Variants in SLCO1B3 observed in about 807,000 individuals in gnomAD.
SLCO1B3 encodes liver-specific organic anion transporter 2.
SLCO1B3 carries 72 observed loss-of-function variants against 71.8 expected under a neutral mutation model. The ratio of observed to expected loss-of-function variants is 1.00; its 90% CI spans 0.83 to 1.22. The LOEUF (loss-of-function observed/expected upper bound fraction) is 1.22. Among genes scored for constraint, SLCO1B3 ranks in the 50% most tolerant of loss-of-function variants. SLCO1B3 has a pLI of 0.00. For synonymous variants in SLCO1B3, 298 were observed against 278.4 expected, an observed-to-expected ratio of 1.07 and a Z score of -0.70; for missense variants, 911 against 819.7, an observed-to-expected ratio of 1.11 and a Z score of -1.36.
chr12:20,855,298 G>A, intron 4 of SLCO1B3, 129 bp downstream of exon 4: 1 of 777,116 alleles, frequency 1.3e-6, no homozygotes, highest in African/African-American at 1.8e-5. Context: ...TTGGCAATAT[G>A]TTAGGATATT....
chr12:20,869,461 T>C (rs552677952), intron 8 of SLCO1B3, among the ~76,000 whole-genome samples: 23 of 152,222 alleles, frequency 1.5e-4, no homozygotes, highest in Non-Finnish European at 3.2e-4. Flanking sequence ...ATGATATTCA[T>C]ATATAATCAT....
intron 15 of SLCO1B3, among the ~76,000 whole-genome samples, chr12:20,915,064 A>C (rs1866465233): frequency 6.6e-6 from 1 of 151,738 alleles, no homozygotes; most frequent in African/African-American, 2.4e-5. Flanking sequence ...AATTCAATAA[A>C]AATTTTCTGT....
chr12:20,838,927 AT>A (rs953481247), intron 3 of SLCO1B3, among the ~76,000 whole-genome samples: 17 of 151,384 alleles, frequency 1.1e-4, no homozygotes, highest in East Asian at 9.7e-4. Context: ...AATACCATTA[AT>A]TTTTTTTCTC....
At chr12:20,864,318 T>G (rs556856943) in intron 8 of SLCO1B3, among the ~76,000 whole-genome samples, 1 of 151,838 alleles carries the variant, frequency 6.6e-6, no homozygotes, top group Non-Finnish European at 1.5e-5. Flanking sequence ...ACCATCTCTT[T>G]GAGAACATGA....
intron 15 of SLCO1B3, 107 bp from the exon 16 acceptor site, chr12:20,915,897 G>C: frequency 1.3e-6 from 1 of 745,566 alleles, no homozygotes; most frequent in East Asian, 2.7e-5. Context: ...ATTTGTATGT[G>C]TAACTTGTTT....
At chr12:20,905,809 T>G (rs1256438723) in intron 15 of SLCO1B3, among the ~76,000 whole-genome samples, 1 of 152,226 alleles carries the variant, frequency 6.6e-6, no homozygotes, top group Non-Finnish European at 1.5e-5. Flanking sequence ...TTCTGAGCAC[T>G]CCTAACTGTT....
rs145406037 is a variant in SLCO1B3 at position 20,844,582 on chromosome 12, T to A, written c.85-10446T>A. ...GCATCTGTCTCAAAGAAAAAAAAAA[T>A]TCCATCTTGCATTAATTGATAACCC... On this transcript the variant is annotated intron_variant, in intron 3 of 15. Transcript: ENST00000381545. Among the ~76,000 whole-genome samples the A allele has an allele frequency of 3.7e-4, 56 of 151,496 alleles. 1 individual carries two copies. The East Asian group carries it at 9.6e-3, about 26-fold the overall frequency.
intron 3 of SLCO1B3, among the ~76,000 whole-genome samples, chr12:20,825,813 A>AAAAG (rs1052596316): frequency 1.3e-5 from 2 of 150,902 alleles, no homozygotes; most frequent in Non-Finnish European, 3.0e-5. Flanking sequence ...AAAAAAAAAA[A>AAAAG]AAAGAAAGAA....
intron 8 of SLCO1B3, among the ~76,000 whole-genome samples, chr12:20,863,504 T>TA (rs756653069): frequency 1.2e-4 from 18 of 152,204 alleles, no homozygotes; most frequent in Non-Finnish European, 1.9e-4. Flanking sequence ...TTCCTACAGA[T>TA]ATACCTTCAC....
chr12:20,908,148 T>A (rs1549969), intron 15 of SLCO1B3, among the ~76,000 whole-genome samples: 151,870 of 152,350 alleles, frequency 1, 75,697 homozygotes, highest in Middle Eastern at 1. Context: ...AAAAAAATTT[T>A]AAAAAGGGCA....
chr12:20,901,285 G>T, intron 14 of SLCO1B3, 65 bp from the exon 15 acceptor site: 2 of 1,001,786 alleles, frequency 2.0e-6, no homozygotes, highest in Non-Finnish European at 3.0e-6. Flanking sequence ...TATCAATATC[G>T]ACTATCGCTC....
chr12:20,876,681 G>A (rs1390374957), intron 9 of SLCO1B3, among the ~76,000 whole-genome samples: 2 of 152,012 alleles, frequency 1.3e-5, no homozygotes, highest in South Asian at 2.1e-4. Flanking sequence ...ATCACAAATC[G>A]AGTTTGTTTC....
At chr12:20,899,601 C>A (rs192891129) in intron 14 of SLCO1B3, among the ~76,000 whole-genome samples, 2 of 152,120 alleles carry the variant, frequency 1.3e-5, no homozygotes, top group Non-Finnish European at 2.9e-5. Context: ...CCATCCTAAC[C>A]GTCCCTTTCT....
At chr12:20,847,277 G>C (rs1864938167) in intron 3 of SLCO1B3, among the ~76,000 whole-genome samples, 1 of 152,116 alleles carries the variant, frequency 6.6e-6, no homozygotes, top group African/African-American at 2.4e-5. Flanking sequence ...CTGAATATTT[G>C]TGCCTTCCTT....
rs1485387838 is a variant in SLCO1B3 at position 20,879,829 on chromosome 12, C to T, written c.1331+198C>T. On this transcript the variant is annotated intron_variant, in intron 11 of 15. Coordinates refer to ENST00000381545, the MANE Select transcript of SLCO1B3 (RefSeq NM_019844.4). ...TTATTCCTTCCTTAAGGAAAAGCAA[C>T]ATCGGTTGAAATAATAATACCTATG... is the stretch of plus-strand genomic sequence containing the variant. Among the ~76,000 whole-genome samples, 3 of 152,000 alleles carry T rather than the reference C, an allele frequency of 2.0e-5. No individual in the cohort carries two copies. In the South Asian group the frequency reaches 6.2e-4, roughly 32 times the overall value.
chr12:20,827,286 T>A (rs1219675066), intron 3 of SLCO1B3, among the ~76,000 whole-genome samples: 1 of 152,234 alleles, frequency 6.6e-6, no homozygotes, highest in Non-Finnish European at 1.5e-5. Context: ...TTTCTAATTT[T>A]ATTTTACCAG....
chr12:20,862,332 T>C (rs996371681), intron 6 of SLCO1B3, 80 bp from the exon 7 acceptor site: 3 of 1,414,386 alleles, frequency 2.1e-6, no homozygotes, highest in Non-Finnish European at 9.6e-7. Flanking sequence ...AATGGAAAAA[T>C]GAAGGATTTA....
At chr12:20,821,082 A>T (rs1053743265) in intron 3 of SLCO1B3, among the ~76,000 whole-genome samples, 3 of 152,084 alleles carry the variant, frequency 2.0e-5, no homozygotes, top group African/African-American at 7.2e-5. Context: ...TCTGTAGAAA[A>T]GGAAGATTAG....
chr12:20,826,650 G>A (rs1169333973), intron 3 of SLCO1B3, among the ~76,000 whole-genome samples: 1 of 146,886 alleles, frequency 6.8e-6, no homozygotes, highest in Non-Finnish European at 1.5e-5. Flanking sequence ...TATCCTAAAG[G>A]TACCTCTTTC....
Sources: allele counts gnomAD v4.1 joint callset (sites outside exome capture counted in the v4.1 genomes callset), GRCh38; gene constraint gnomAD v4.1.1; transcripts MANE v1.5; gene names NCBI Gene and HGNC (gene_info 2026-07-23, HGNC 2026-07-21).